Variants in SLC9A9 observed in about 807,000 individuals in gnomAD.
SLC9A9 encodes the protein sodium/hydrogen exchanger 9.
SLC9A9 carries 62 observed loss-of-function variants against 77.8 expected under a neutral mutation model. The ratio of observed to expected loss-of-function variants is 0.80; its 90% confidence interval spans 0.65 to 0.98. SLC9A9 has a LOEUF of 0.98. Ranked by LOEUF, SLC9A9 falls within the 50% of genes least tolerant of loss-of-function variation. The pLI is 0.00. For missense variants in SLC9A9, 775 were observed against 774.9 expected (o/e 1.00, Z 0.00); for synonymous variants, 320 against 283.5 (o/e 1.13, Z -1.29).
chr3:143,670,769 T>C (rs964001964), intron 5 of SLC9A9, among the ~76,000 whole-genome samples: 3 of 152,230 alleles, frequency 2.0e-5, no homozygotes, highest in African/African-American at 4.8e-5. Context: ...TACCTCCCTC[T>C]TTAGACTGGG....
At chr3:143,664,913 T>A (rs753286139) in intron 5 of SLC9A9, among the ~76,000 whole-genome samples, 21 of 152,154 alleles carry the variant, frequency 1.4e-4, no homozygotes, top group Non-Finnish European at 2.5e-4. Flanking sequence ...ACTGTTAACA[T>A]TAGACAGATG....
At chr3:143,512,740 G>T (rs2036137387) in intron 9 of SLC9A9, among the ~76,000 whole-genome samples, 1 of 152,176 alleles carries the variant, frequency 6.6e-6, no homozygotes, top group Non-Finnish European at 1.5e-5. Flanking sequence ...GCTGGTCGTG[G>T]TGGTGGGTGC....
intron 5 of SLC9A9, among the ~76,000 whole-genome samples, chr3:143,685,658 T>C (rs898862594): frequency 1.3e-5 from 2 of 152,114 alleles, no homozygotes; most frequent in Non-Finnish European, 2.9e-5. Context: ...CTGAAGACCT[T>C]GGAGGAAATG....
At chr3:143,476,745 T>C (rs576019402) in intron 11 of SLC9A9, among the ~76,000 whole-genome samples, 6 of 152,294 alleles carry the variant, frequency 3.9e-5, no homozygotes, top group African/African-American at 1.4e-4. Flanking sequence ...ACTGGAGTGA[T>C]TTTGATCCCT....
At chr3:143,734,224 A>T (rs528651901) in intron 4 of SLC9A9, among the ~76,000 whole-genome samples, 3 of 152,080 alleles carry the variant, frequency 2.0e-5, no homozygotes, top group Non-Finnish European at 4.4e-5. Flanking sequence ...AAGAAAAAAA[A>T]AAAGAAAACC....
chr3:143,507,294 G>A (rs942154496), intron 9 of SLC9A9, among the ~76,000 whole-genome samples: 2 of 152,012 alleles, frequency 1.3e-5, no homozygotes, highest in African/African-American at 4.8e-5. Flanking sequence ...TGCAAGCTCT[G>A]CCTCCTGTGT....
intron 6 of SLC9A9, among the ~76,000 whole-genome samples, chr3:143,640,529 T>C (rs895595388): frequency 5.9e-5 from 9 of 152,076 alleles, no homozygotes; most frequent in Non-Finnish European, 8.8e-5. Flanking sequence ...TGATGATATA[T>C]AGCAGAAGAC....
intron 4 of SLC9A9, among the ~76,000 whole-genome samples, chr3:143,760,941 ATAC>A (rs2007100027): frequency 1.3e-5 from 2 of 152,200 alleles, no homozygotes; most frequent in African/African-American, 4.8e-5. Flanking sequence ...ACTTCAAACT[ATAC>A]TACAAGGCTA....
intron 8 of SLC9A9, among the ~76,000 whole-genome samples, chr3:143,564,260 T>C (rs1201318855): frequency 6.6e-6 from 1 of 152,204 alleles, no homozygotes; most frequent in Non-Finnish European, 1.5e-5. Flanking sequence ...TCATTAAAAG[T>C]TGATGAAGCC....
chr3:143,485,506 A>ATTCT lies in SLC9A9; in HGVS notation c.1315+8146_1315+8147insAGAA, dbSNP rs1209913542. 8.5e-5 allele frequency among the ~76,000 whole-genome samples: 13 copies of ATTCT among 152,310 alleles called. No individual in the cohort carries two copies. In the East Asian group the frequency reaches 2.3e-3, roughly 27 times the overall value. ...GCCCAAGGAAAGGCATGGACTTAGA[A>ATTCT]AAGACCTGAGGAGACCTTATGTTTC... is the stretch of plus-strand genomic sequence containing the variant. On this transcript the variant is annotated intron_variant, in intron 11 of 15. Transcript: ENST00000316549.
chr3:143,767,792 C>G (rs1451886153), intron 4 of SLC9A9, among the ~76,000 whole-genome samples: 1 of 152,164 alleles, frequency 6.6e-6, no homozygotes, highest in Non-Finnish European at 1.5e-5. Flanking sequence ...ATCTTTATCA[C>G]TTCACGCATT....
intron 12 of SLC9A9, among the ~76,000 whole-genome samples, chr3:143,438,559 T>A (rs2034668429): frequency 6.6e-6 from 1 of 152,156 alleles, no homozygotes; most frequent in Non-Finnish European, 1.5e-5. Flanking sequence ...TTCACCATCA[T>A]CTGGGGAGGT....
chr3:143,621,425 G>A (rs2038210808), intron 6 of SLC9A9, among the ~76,000 whole-genome samples: 1 of 152,218 alleles, frequency 6.6e-6, no homozygotes, highest in Non-Finnish European at 1.5e-5. Flanking sequence ...AACTTCCAGA[G>A]GAACGATCAG....
chr3:143,281,226 C>G (rs1290994665), intron 14 of SLC9A9, among the ~76,000 whole-genome samples: 1 of 152,152 alleles, frequency 6.6e-6, no homozygotes, highest in Non-Finnish European at 1.5e-5. Flanking sequence ...CACTAAGTTG[C>G]TACATGGAGG....
intron 12 of SLC9A9, among the ~76,000 whole-genome samples, chr3:143,454,831 C>T (rs542976818): frequency 6.6e-6 from 1 of 152,320 alleles, no homozygotes; most frequent in East Asian, 1.9e-4. Context: ...GTATTATTCC[C>T]AGCTCCCAGA....
chr3:143,334,032 TCTG>T (rs1343840789), intron 14 of SLC9A9, among the ~76,000 whole-genome samples: 2 of 152,228 alleles, frequency 1.3e-5, no homozygotes, highest in Non-Finnish European at 2.9e-5. Context: ...GAAAAAATAA[TCTG>T]CTACAATTGG....
chr3:143,513,749 T>C (rs1206187008), intron 9 of SLC9A9, among the ~76,000 whole-genome samples: 1 of 152,234 alleles, frequency 6.6e-6, no homozygotes, highest in East Asian at 1.9e-4. Flanking sequence ...TTAGCAGGCA[T>C]GAAAACAACA....
At chr3:143,822,566 G>A (rs189117936) in intron 2 of SLC9A9, among the ~76,000 whole-genome samples, 88 of 152,310 alleles carry the variant, frequency 5.8e-4, no homozygotes, top group African/African-American at 2.1e-3. Context: ...CCAGCTGTCT[G>A]TGGAGCCTAC....
intron 13 of SLC9A9, among the ~76,000 whole-genome samples, chr3:143,369,610 A>G (rs546743674): frequency 3.7e-4 from 56 of 152,286 alleles, no homozygotes; most frequent in African/African-American, 1.2e-3. Context: ...TCTGTACCCT[A>G]TAAGTATGTA....
Sources: gnomAD v4.1 joint callset for allele counts (sites outside exome capture counted in the v4.1 genomes callset) on GRCh38, gnomAD v4.1.1 for gene constraint, MANE v1.5 for transcripts, NCBI Gene and HGNC (gene_info 2026-07-23, HGNC 2026-07-21) for gene names.